JMJD1C: variants seen among roughly 807,000 people sequenced by gnomAD.
JMJD1C encodes jumonji domain-containing protein 1C.
Under a neutral mutation model 245.3 loss-of-function variants are expected in JMJD1C, and 31 were observed. That is an observed-to-expected ratio of 0.13 (90% CI 0.09 to 0.17). The LOEUF is 0.17. Among genes scored for constraint, JMJD1C ranks in the 10% least tolerant of loss-of-function variants. JMJD1C has a pLI of 1.00. For synonymous variants in JMJD1C, 1,057 were observed against 1,017.4 expected (o/e 1.04, Z -0.74); for missense variants, 2,691 against 3,000.2 (o/e 0.90, Z 2.41).
intron 2 of JMJD1C, among the ~76,000 whole-genome samples, chr10:63,333,726 T>TA (rs1009923580): frequency 6.6e-6 from 1 of 152,150 alleles, no homozygotes; most frequent in Non-Finnish European, 1.5e-5. Context: ...CCCACATAAT[T>TA]ATTCTTCTGT....
chr10:63,412,427 C>T (rs867005727), intron 1 of JMJD1C, among the ~76,000 whole-genome samples: 8 of 152,100 alleles, frequency 5.3e-5, no homozygotes, highest in Non-Finnish European at 8.8e-5. Flanking sequence ...GCAAGGACTG[C>T]GAGAGATCAT....
At chr10:63,454,358 C>A (rs984767310) in intron 1 of JMJD1C, among the ~76,000 whole-genome samples, 2 of 151,036 alleles carry the variant, frequency 1.3e-5, no homozygotes, top group African/African-American at 4.9e-5. Context: ...CACCCTGGTT[C>A]AAGATTCTCA....
intron 1 of JMJD1C, among the ~76,000 whole-genome samples, chr10:63,518,435 C>T (rs986369586): frequency 2.0e-5 from 3 of 152,128 alleles, no homozygotes; most frequent in African/African-American, 7.2e-5. Context: ...ACATATATTT[C>T]GACGTGGGGC....
chr10:63,182,975 C>T (rs1328094723), intron 22 of JMJD1C, among the ~76,000 whole-genome samples: 1 of 152,154 alleles, frequency 6.6e-6, no homozygotes, highest in Non-Finnish European at 1.5e-5. Flanking sequence ...GATTCTCCTG[C>T]CTCAGCCTCC....
intron 2 of JMJD1C, among the ~76,000 whole-genome samples, chr10:63,277,782 G>A (rs1856966108): frequency 9.1e-6 from 1 of 109,352 alleles, no homozygotes; most frequent in African/African-American, 3.9e-5. Flanking sequence ...CTGTCTCCCA[G>A]GCTGGAGTGC....
intron 1 of JMJD1C, among the ~76,000 whole-genome samples, chr10:63,460,845 C>T (rs1302441524): frequency 6.6e-6 from 1 of 152,098 alleles, no homozygotes; most frequent in East Asian, 1.9e-4. Flanking sequence ...GATAAGGTTT[C>T]ACATGGTAAA....
Position 63,284,898 on chromosome 10 carries a change from CACACACACAT to C in JMJD1C, c.334-20144_334-20135del, listed in dbSNP as rs769235939. ...ACACACACACACACACACACACACA[CACACACACAT>C]TCTCTCTACTCGCTGTCTCTCACAC... is the stretch of plus-strand genomic sequence containing the variant. On this transcript the variant is annotated intron_variant, in intron 2 of 25. Transcript: ENST00000399262. Among the ~76,000 whole-genome samples the C allele has an allele frequency of 1.7e-3, 211 of 126,544 alleles. 3 individuals are homozygous for C. In the South Asian group the frequency reaches 0.024, roughly 15 times the overall value. 83.0% of individuals were successfully genotyped at this position (126,544 alleles called of 152,430 possible).
chr10:63,511,471 G>T (rs933339561), intron 1 of JMJD1C, among the ~76,000 whole-genome samples: 11 of 152,172 alleles, frequency 7.2e-5, no homozygotes, highest in African/African-American at 2.7e-4. Context: ...CAGCACTTTG[G>T]GAGGCCAAGG....
At chr10:63,347,126 T>G (rs1043610478) in intron 2 of JMJD1C, among the ~76,000 whole-genome samples, 1 of 149,172 alleles carries the variant, frequency 6.7e-6, no homozygotes, top group African/African-American at 2.5e-5. Flanking sequence ...GCTGGAGTAG[T>G]GTCATGATCT....
upstream of JMJD1C, chr10:63,466,035 G>A (rs1442665641): frequency 1.6e-4 from 39 of 240,172 alleles, no homozygotes; most frequent in South Asian, 2.3e-3. Context: ...CCGCCGGCGC[G>A]GGCGGGGCAG....
chr10:63,219,514 C>A (rs1021691247), intron 4 of JMJD1C, among the ~76,000 whole-genome samples: 1 of 152,126 alleles, frequency 6.6e-6, no homozygotes. Context: ...TTACCAGATA[C>A]GAAGAACATT....
intron 2 of JMJD1C, among the ~76,000 whole-genome samples, chr10:63,324,139 G>A (rs576869542): frequency 1.1e-4 from 17 of 149,760 alleles, no homozygotes; most frequent in African/African-American, 3.7e-4. Flanking sequence ...TAGCTCAAAT[G>A]CTAATCTCTT....
chr10:63,426,887 T>C (rs530946011), intron 1 of JMJD1C, among the ~76,000 whole-genome samples: 29 of 152,342 alleles, frequency 1.9e-4, no homozygotes, highest in South Asian at 8.3e-4. Context: ...CATGACTCCA[T>C]TACTGATTTA....
At chr10:63,302,942 T>C (rs570234106) in intron 2 of JMJD1C, among the ~76,000 whole-genome samples, 4 of 152,318 alleles carry the variant, frequency 2.6e-5, no homozygotes, top group South Asian at 4.1e-4. Context: ...TCTTACTCTG[T>C]TGCCTATCAT....
At position 63,330,283 on chromosome 10, in the gene JMJD1C, AT is replaced by A. The variant is rs941595931; in HGVS notation, c.333+50034del. Among the ~76,000 whole-genome samples, 35 of 152,260 alleles carry A rather than the reference AT, an allele frequency of 2.3e-4. 2 individuals carry two copies. The East Asian group carries it at 2.9e-3, about 13-fold the overall frequency. On this transcript the variant is annotated intron_variant, in intron 2 of 25. Coordinates refer to ENST00000399262, the MANE Select transcript of JMJD1C (RefSeq NM_032776.3). ...ACTAAATGCATTTTCAATTTAGAATATTTTCACAACTTACAATGGTTTTTAG... is the reference window on the plus strand; with the variant it reads ...ACTAAATGCATTTTCAATTTAGAATATTTCACAACTTACAATGGTTTTTAG...
intron 1 of JMJD1C, among the ~76,000 whole-genome samples, chr10:63,508,346 T>C (rs1313640770): frequency 6.6e-6 from 1 of 152,260 alleles, no homozygotes; most frequent in Non-Finnish European, 1.5e-5. Context: ...TATTGGTCTA[T>C]TCTTTCACTA....
chr10:63,462,575 C>T (rs191520578), intron 1 of JMJD1C, among the ~76,000 whole-genome samples: 1 of 151,982 alleles, frequency 6.6e-6, no homozygotes, highest in African/African-American at 2.4e-5. Context: ...GTCAATTGGC[C>T]CAAAGTAATC....
At chr10:63,332,736 T>C (rs1942293718) in intron 2 of JMJD1C, among the ~76,000 whole-genome samples, 1 of 152,240 alleles carries the variant, frequency 6.6e-6, no homozygotes, top group Non-Finnish European at 1.5e-5. Context: ...CATTTATTTT[T>C]ATAGGTTAAA....
intron 1 of JMJD1C, among the ~76,000 whole-genome samples, chr10:63,474,658 C>G (rs1180733868): frequency 3.3e-5 from 5 of 152,006 alleles, no homozygotes; most frequent in Non-Finnish European, 5.9e-5. Flanking sequence ...CACTATTTTG[C>G]TAGGCTTGTC....
Sources: gnomAD v4.1 joint callset for allele counts (sites outside exome capture counted in the v4.1 genomes callset) on GRCh38, gnomAD v4.1.1 for gene constraint, MANE v1.5 for transcripts, NCBI Gene and HGNC (gene_info 2026-07-23, HGNC 2026-07-21) for gene names.